Variants in TMEM132C observed in about 807,000 individuals in gnomAD.
The protein encoded by TMEM132C is protein phosphatase 1, regulatory subunit 152.
TMEM132C carries 29 observed loss-of-function variants against 61.4 expected under a neutral mutation model. The observed-to-expected ratio is 0.47, with a 90% CI of 0.35 to 0.64. The LOEUF (loss-of-function observed/expected upper bound fraction) is 0.64. Ranked by LOEUF, TMEM132C falls within the 30% of genes least tolerant of loss-of-function variation. The pLI is 0.00. For synonymous variants in TMEM132C, 656 were observed against 633.1 expected (o/e 1.04, Z -0.54); for missense variants, 1,408 against 1,476.9 (o/e 0.95, Z 0.76).
intron 3 of TMEM132C, among the ~76,000 whole-genome samples, chr12:128,596,770 G>A (rs573944740): frequency 7.2e-5 from 11 of 152,052 alleles, no homozygotes; most frequent in African/African-American, 1.7e-4. Context: ...CTGCCTTCCC[G>A]TCACCACGCA....
At chr12:128,388,347 C>T (rs935088280) in intron 1 of TMEM132C, among the ~76,000 whole-genome samples, 2 of 152,260 alleles carry the variant, frequency 1.3e-5, no homozygotes, top group African/African-American at 4.8e-5. Flanking sequence ...TGCCCCAAAT[C>T]TTAACTTTTC....
rs139515042 is a variant in TMEM132C at position 128,326,871 on chromosome 12, TTTG to T, written c.85+59396_85+59398del. On this transcript the variant is annotated intron_variant, in intron 1 of 8. Coordinates refer to ENST00000435159, the MANE Select transcript of TMEM132C (RefSeq NM_001136103.3). The surrounding 1 kb of genome is among the most constrained non-coding windows in gnomAD (Gnocchi z 5.6). The stretch of plus-strand genomic sequence containing the variant: ...TTGTATTTTTAATAAAGCAGAGGCT[TTTG>T]TTGTTGTTGTTAACATTGAACTTCC... 0.035 allele frequency among the ~76,000 whole-genome samples: 5,143 copies of T among 148,262 alleles called. 271 individuals carry two copies. Among genetic ancestry groups the T allele is most frequent in the African/African-American group, 0.043 (1,629 of 37,770 alleles).
intron 1 of TMEM132C, among the ~76,000 whole-genome samples, chr12:128,313,823 G>A (rs1218972076): frequency 2.0e-5 from 3 of 151,978 alleles, no homozygotes; most frequent in African/African-American, 7.3e-5. Context: ...AGTGAAAACA[G>A]TGTGGGGATC....
At chr12:128,449,627 G>C (rs2136056288) in intron 2 of TMEM132C, among the ~76,000 whole-genome samples, 1 of 152,262 alleles carries the variant, frequency 6.6e-6, no homozygotes, top group Admixed American at 6.5e-5. Context: ...AATGTGCAAG[G>C]CGTGAAGATG....
chr12:128,644,236 G>C (rs550063928), intron 4 of TMEM132C, among the ~76,000 whole-genome samples: 1 of 152,326 alleles, frequency 6.6e-6, no homozygotes, highest in African/African-American at 2.4e-5. Flanking sequence ...ATACAACCCG[G>C]AAATTCTGCT....
intron 1 of TMEM132C, among the ~76,000 whole-genome samples, chr12:128,405,848 A>ACAG (rs1875326003): frequency 6.6e-6 from 1 of 152,172 alleles, no homozygotes; most frequent in African/African-American, 2.4e-5. Flanking sequence ...AGCTCTGTGT[A>ACAG]CAGAGAGCTG....
At chr12:128,569,040 A>G (rs1170862970) in intron 3 of TMEM132C, among the ~76,000 whole-genome samples, 3 of 152,180 alleles carry the variant, frequency 2.0e-5, no homozygotes, top group East Asian at 3.9e-4. Flanking sequence ...ACAGGTAGAC[A>G]TGTGACCTGC....
At chr12:128,675,120 C>T (rs952690177) in intron 5 of TMEM132C, among the ~76,000 whole-genome samples, 3 of 152,044 alleles carry the variant, frequency 2.0e-5, no homozygotes, top group African/African-American at 7.3e-5. Context: ...TTTCTTTCTT[C>T]CTCTTTTCCT....
At chr12:128,571,757 G>A (rs1158073562) in intron 3 of TMEM132C, among the ~76,000 whole-genome samples, 2 of 152,186 alleles carry the variant, frequency 1.3e-5, no homozygotes, top group Non-Finnish European at 2.9e-5. Context: ...AGTTAGGCAC[G>A]GTTGGATGCA....
chr12:128,490,804 T>G (rs1371929384), intron 2 of TMEM132C, among the ~76,000 whole-genome samples: 6 of 152,144 alleles, frequency 3.9e-5, no homozygotes, highest in Admixed American at 3.9e-4. Context: ...AAATCTGCAT[T>G]GGTTTCGTAA....
intron 2 of TMEM132C, among the ~76,000 whole-genome samples, chr12:128,460,976 GA>G (rs1870514247): frequency 6.6e-6 from 1 of 152,136 alleles, no homozygotes; most frequent in Admixed American, 6.5e-5. Flanking sequence ...CTAGGGAGAG[GA>G]TGCGTGTTCA....
chr12:128,418,748 G>A (rs1342635467), intron 2 of TMEM132C, among the ~76,000 whole-genome samples: 3 of 152,122 alleles, frequency 2.0e-5, no homozygotes, highest in Non-Finnish European at 4.4e-5. Context: ...AGGTTTTAGG[G>A]TACCTTATCT....
intron 4 of TMEM132C, among the ~76,000 whole-genome samples, chr12:128,639,315 T>G (rs368049534): frequency 6.7e-6 from 1 of 149,024 alleles, no homozygotes; most frequent in South Asian, 2.2e-4. Flanking sequence ...GTGATGATGG[T>G]ATGATGGTGA....
chr12:128,347,674 C>T (rs546390133), intron 1 of TMEM132C, among the ~76,000 whole-genome samples: 33 of 152,304 alleles, frequency 2.2e-4, no homozygotes, highest in African/African-American at 7.0e-4. Context: ...GTGATCCACC[C>T]GCCTTGGTCT....
At chr12:128,370,401 T>C (rs1329722435) in intron 1 of TMEM132C, among the ~76,000 whole-genome samples, 1 of 152,098 alleles carries the variant, frequency 6.6e-6, no homozygotes, top group Admixed American at 6.6e-5. Flanking sequence ...GGGTGGTCAA[T>C]TGAAGGATCT....
intron 2 of TMEM132C, among the ~76,000 whole-genome samples, chr12:128,441,333 T>C (rs770594793): frequency 1.3e-5 from 2 of 152,214 alleles, no homozygotes; most frequent in Non-Finnish European, 2.9e-5. Context: ...GCCTGTCCAG[T>C]GAGCCCAGAT....
At chr12:128,696,260 C>A (rs1319539639) in intron 7 of TMEM132C, among the ~76,000 whole-genome samples, 157 bp downstream of exon 7, 1 of 151,872 alleles carries the variant, frequency 6.6e-6, no homozygotes, top group Non-Finnish European at 1.5e-5. Context: ...GAGTCCAGCT[C>A]CTTCCAAACA....
intron 2 of TMEM132C, among the ~76,000 whole-genome samples, chr12:128,416,812 G>T (rs538417433): frequency 6.6e-6 from 1 of 152,156 alleles, no homozygotes; most frequent in East Asian, 1.9e-4. Context: ...GACTAATTTT[G>T]CAGATCTTCA....
intron 1 of TMEM132C, among the ~76,000 whole-genome samples, chr12:128,307,327 A>G (rs1871817893): frequency 6.6e-6 from 1 of 152,164 alleles, no homozygotes; most frequent in South Asian, 2.1e-4. Context: ...AAATATCTCA[A>G]CTGGAAGTCA....
Sources: allele counts gnomAD v4.1 joint callset (sites outside exome capture counted in the v4.1 genomes callset), GRCh38; gene constraint gnomAD v4.1.1; non-coding constraint Gnocchi (gnomAD v3.1); transcripts MANE v1.5; gene names NCBI Gene and HGNC (gene_info 2026-07-23, HGNC 2026-07-21).